Variants in SCN1A observed in about 807,000 individuals in gnomAD.
The protein encoded by SCN1A is sodium voltage-gated channel alpha subunit 1.
SCN1A carries 13 observed loss-of-function variants against 193.7 expected under a neutral mutation model. The observed-to-expected ratio is 0.07, with a 90% CI of 0.04 to 0.11. SCN1A has a LOEUF of 0.11. SCN1A is among the 10% of genes least tolerant of loss of function. SCN1A has a pLI of 1.00. For synonymous variants in SCN1A, 781 were observed against 843.6 expected (o/e 0.93, Z 1.29); for missense variants, 1,432 against 2,451.1 (o/e 0.58, Z 8.78).
chr2:165,996,141 G>T (rs760569965), intron 26 of SCN1A, 24 bp from the exon 27 acceptor site: 1 of 1,392,632 alleles, frequency 7.2e-7, no homozygotes. Flanking sequence ...AAATCAAACT[G>T]GTTAAAACTG....
At chr2:166,091,206 G>A (rs1474035845) in intron 2 of SCN1A, among the ~76,000 whole-genome samples, 1 of 152,142 alleles carries the variant, frequency 6.6e-6, no homozygotes, top group Non-Finnish European at 1.5e-5. Flanking sequence ...TCTTTCCGGA[G>A]CAGCACTGCT....
intron 1 of SCN1A, among the ~76,000 whole-genome samples, chr2:166,145,459 T>A (rs544674519): frequency 6.6e-6 from 1 of 152,234 alleles, no homozygotes; most frequent in African/African-American, 2.4e-5. Flanking sequence ...CACATATATC[T>A]CAGAATAGCA....
At chr2:166,040,249 A>G (rs751004816) in intron 16 of SCN1A, among the ~76,000 whole-genome samples, 8 of 152,072 alleles carry the variant, frequency 5.3e-5, no homozygotes, top group Non-Finnish European at 7.4e-5. Flanking sequence ...TGCTCTTTCC[A>G]TTATACCAAA....
intron 2 of SCN1A, among the ~76,000 whole-genome samples, chr2:166,098,286 T>C (rs1220107184): frequency 6.6e-6 from 1 of 152,152 alleles, no homozygotes; most frequent in Non-Finnish European, 1.5e-5. Flanking sequence ...ATCATCTTAA[T>C]TAAGATGCGG....
Position 166,038,013 on chromosome 2 carries a change from A to G in SCN1A, c.2709T>C (p.Ile903=), listed in dbSNP as rs749726404. The change falls in exon 18 of 29, where the codon ATT becomes ATC. Residue 903 remains isoleucine, a synonymous_variant. Transcript: ENST00000674923. ...AGAGCTGCATGCCGACCACGGCAAA[A>G]ATGAAGACGATGATGGCCAAGACGA... is the stretch of plus-strand genomic sequence containing the variant. ...LTLVLAIIVF[I]FAVVGMQLFG... The G allele has an allele frequency of 4.3e-6, 7 of 1,614,204 alleles. No homozygotes were observed. The South Asian group carries it at 7.7e-5, about 18-fold the overall frequency.
intron 27 of SCN1A, 29 bp from the exon 28 acceptor site, chr2:165,994,445 A>G (rs1689733529): frequency 1.2e-6 from 2 of 1,609,832 alleles, no homozygotes; most frequent in South Asian, 2.2e-5. Flanking sequence ...GCTTTTAACA[A>G]CAAAGGAGTT....
chr2:166,143,193 G>GTTT (rs1692165581), intron 1 of SCN1A, among the ~76,000 whole-genome samples: 1 of 142,784 alleles, frequency 7.0e-6, no homozygotes, highest in African/African-American at 2.6e-5. Context: ...TTGAGATGGA[G>GTTT]TTTCGCTCTG....
chr2:166,104,094 G>C (rs1688430988), intron 2 of SCN1A, among the ~76,000 whole-genome samples: 1 of 152,138 alleles, frequency 6.6e-6, no homozygotes, highest in Non-Finnish European at 1.5e-5. Flanking sequence ...AATTTAGTTA[G>C]TTAATTTTAT....
chr2:166,000,473 C>T (rs1052273090), intron 24 of SCN1A, among the ~76,000 whole-genome samples: 4 of 151,788 alleles, frequency 2.6e-5, no homozygotes, highest in East Asian at 1.9e-4. Context: ...AGGCTAACAA[C>T]TTACAGTAAT....
intron 2 of SCN1A, among the ~76,000 whole-genome samples, chr2:166,123,873 G>A (rs967450073): frequency 2.0e-5 from 3 of 151,896 alleles, no homozygotes; most frequent in African/African-American, 7.3e-5. Context: ...ATTTCTGTTC[G>A]TTTCTTTTAC....
chr2:166,065,249 T>C (rs1202534334), intron 4 of SCN1A, among the ~76,000 whole-genome samples: 1 of 152,136 alleles, frequency 6.6e-6, no homozygotes, highest in Non-Finnish European at 1.5e-5. Context: ...AAGTTTTTCA[T>C]AGCTCTAAGC....
Position 166,013,725 on chromosome 2 carries a change from T to A in SCN1A, c.3705+19A>T. The A allele has an allele frequency of 6.2e-7, 1 of 1,609,564 alleles. No homozygotes were observed. Among genetic ancestry groups the A allele is most frequent in the African/African-American group, 1.3e-5 (1 of 74,852 alleles). On this transcript the variant is annotated intron_variant, in intron 21 of 28. Coordinates refer to ENST00000674923, the MANE Select transcript of SCN1A (RefSeq NM_001165963.4). The stretch of plus-strand genomic sequence containing the variant: ...TTCTAAAAATTAGTGCTGTATCACC[T>A]TTTCTTAATCTCACTCACCAGAGCA...
At chr2:166,008,511 C>G (rs996981985) in intron 23 of SCN1A, among the ~76,000 whole-genome samples, 1 of 150,866 alleles carries the variant, frequency 6.6e-6, no homozygotes, top group Non-Finnish European at 1.5e-5. Flanking sequence ...CTTATACACC[C>G]CAGAGATAAT....
At chr2:166,098,778 A>G (rs1687690728) in intron 2 of SCN1A, among the ~76,000 whole-genome samples, 1 of 152,182 alleles carries the variant, frequency 6.6e-6, no homozygotes, top group Non-Finnish European at 1.5e-5. Context: ...GAAAAGTATA[A>G]AATACCTAGT....
At chr2:166,121,118 G>GAA (rs11299049) in intron 2 of SCN1A, among the ~76,000 whole-genome samples, 6 of 96,580 alleles carry the variant, frequency 6.2e-5, no homozygotes, top group African/African-American at 1.1e-4. Context: ...GGAAAAAAAA[G>GAA]AAAAAAAAAA....
At chr2:166,092,558 G>A (rs1416084729) in intron 2 of SCN1A, 1 of 152,276 alleles carries the variant, frequency 6.6e-6, no homozygotes, top group Non-Finnish European at 1.5e-5. Flanking sequence ...TACAGATGAG[G>A]TCTCGCTATG....
At chr2:166,061,120 C>G (rs1683261513) in intron 4 of SCN1A, among the ~76,000 whole-genome samples, 1 of 152,036 alleles carries the variant, frequency 6.6e-6, no homozygotes, top group Admixed American at 6.6e-5. Flanking sequence ...AGGAAAATAA[C>G]CAGGCTCATC....
intron 7 of SCN1A, 60 bp downstream of exon 7, chr2:166,054,578 A>G: frequency 1.3e-6 from 2 of 1,556,642 alleles, no homozygotes; most frequent in Admixed American, 1.7e-5. Flanking sequence ...TCTTAAAAGC[A>G]TAAGCACTGA....
intron 1 of SCN1A, among the ~76,000 whole-genome samples, chr2:166,135,491 A>C (rs2106293017): frequency 6.6e-6 from 1 of 152,356 alleles, no homozygotes; most frequent in Middle Eastern, 3.4e-3. Flanking sequence ...AAAGTATACA[A>C]GTGTCGCTAG....
Sources: gnomAD v4.1 joint callset for allele counts (sites outside exome capture counted in the v4.1 genomes callset) on GRCh38, gnomAD v4.1.1 for gene constraint, MANE v1.5 for transcripts, NCBI Gene and HGNC (gene_info 2026-07-23, HGNC 2026-07-21) for gene names.